The following ZFHX3 variants were observed in gnomAD, a reference collection of about 807,000 sequenced individuals.
The protein encoded by ZFHX3 is zinc finger homeobox 3, also known as zinc finger homeobox protein 3.
A neutral mutation model predicts 279.1 loss-of-function variants in ZFHX3; 42 were observed. The ratio of observed to expected loss-of-function variants is 0.15; its 90% CI spans 0.12 to 0.19. ZFHX3 has a LOEUF of 0.19. Ranked by LOEUF, ZFHX3 falls within the 10% of genes least tolerant of loss-of-function variation. The probability of loss-of-function intolerance (pLI) is 1.00; values close to 1 mark genes in which losing one functional copy is unlikely to be tolerated. For missense variants in ZFHX3, 4,981 were observed against 4,754.0 expected, an observed-to-expected ratio of 1.05 and a Z score of -1.40; for synonymous variants, 2,293 against 1,957.8, an observed-to-expected ratio of 1.17 and a Z score of -4.52.
intron 1 of ZFHX3, among the ~76,000 whole-genome samples, chr16:73,777,712 A>G (rs1357197177): frequency 6.6e-6 from 1 of 152,102 alleles, no homozygotes. Context: ...CTAAGCACTT[A>G]ACATCCAGTA....
At chr16:73,287,819 AGTGTATGGCTGTGTGGG>A (rs2014666352) in intron 4 of ZFHX3, among the ~76,000 whole-genome samples, 1 of 39,704 alleles carries the variant, frequency 2.5e-5, no homozygotes, top group Non-Finnish European at 4.8e-5. Context: ...TGTGTGGGTC[AGTGTATGGCTGTGTGGG>A]TTGGTGAGTG....
intron 1 of ZFHX3, among the ~76,000 whole-genome samples, chr16:73,698,919 T>A (rs1451192811): frequency 1.3e-5 from 2 of 152,136 alleles, no homozygotes; most frequent in African/African-American, 4.8e-5. Context: ...GGGGTCTTCC[T>A]CTGTAGCCAG....
At chr16:73,756,001 G>C (rs1399807179) in intron 1 of ZFHX3, among the ~76,000 whole-genome samples, 1 of 152,152 alleles carries the variant, frequency 6.6e-6, no homozygotes, top group Admixed American at 6.5e-5. Flanking sequence ...CCACCGCTTA[G>C]AGAGGCTCAC....
intron 1 of ZFHX3, among the ~76,000 whole-genome samples, chr16:72,970,360 A>T (rs1442734298): frequency 6.6e-6 from 1 of 152,186 alleles, no homozygotes; most frequent in Admixed American, 6.5e-5. Context: ...GGGGCAATTT[A>T]AACAGCTATA....
chr16:73,771,115 T>C (rs1366405517), intron 1 of ZFHX3, among the ~76,000 whole-genome samples: 1 of 152,180 alleles, frequency 6.6e-6, no homozygotes, highest in Non-Finnish European at 1.5e-5. Flanking sequence ...TGCTAGAGAC[T>C]GGGGTGATGA....
At position 72,797,141 on chromosome 16, in the gene ZFHX3, C is replaced by T; in HGVS notation, c.5541G>A (p.Gln1847=). 1.2e-6 allele frequency: 2 copies of T among 1,613,914 alleles called. No homozygotes were observed. The highest frequency in any genetic ancestry group is 2.7e-5 in the African/African-American group (2 of 75,030). ...AQVQVPQQSH[Q]QILPQQQQNQ... ...TCTGCTGCTGCTGCGGCAAGATCTG[C>T]TGATGGCTCTGCTGTGGGACCTGAA... Residue 1847 remains glutamine (Q), a synonymous_variant, in exon 9 of 10, where the codon CAG becomes CAA. Coordinates refer to ENST00000268489, the MANE Select transcript of ZFHX3 (RefSeq NM_006885.4).
At chr16:72,964,657 C>A (rs1961744652) in intron 1 of ZFHX3, among the ~76,000 whole-genome samples, 1 of 126,234 alleles carries the variant, frequency 7.9e-6, no homozygotes, top group Admixed American at 9.1e-5. Context: ...CAAAATGAGA[C>A]TTGGTCTATT....
intron 1 of ZFHX3, among the ~76,000 whole-genome samples, chr16:73,788,763 A>T (rs780748898): frequency 5.4e-5 from 8 of 149,146 alleles, no homozygotes; most frequent in Non-Finnish European, 1.0e-4. Context: ...TCATGAGGTC[A>T]GGAAATAGAG....
chr16:73,423,681 G>A (rs993483632), intron 3 of ZFHX3, among the ~76,000 whole-genome samples: 7 of 152,114 alleles, frequency 4.6e-5, no homozygotes, highest in African/African-American at 1.7e-4. Context: ...GGCCAGCATG[G>A]CACAATCCTG....
intron 3 of ZFHX3, among the ~76,000 whole-genome samples, chr16:73,406,873 G>A (rs115364598): frequency 0.013 from 1,913 of 152,274 alleles, 46 homozygotes; most frequent in African/African-American, 0.044. Flanking sequence ...AGCTTTGGCT[G>A]GGGCTGGTTT....
Position 73,046,976 on chromosome 16 carries a change from T to C in ZFHX3, c.-50+776A>G, listed in dbSNP as rs150641528. Among the ~76,000 whole-genome samples, 310 of 152,290 alleles carry C rather than the reference T, an allele frequency of 2.0e-3. 5 individuals are homozygous for C. In the East Asian group the frequency reaches 0.04, roughly 20 times the overall value. ...GCCAGTTTAACACAGGAGGTACCAC[T>C]GTGCCACGCAATTCCCTCTTAGCAC... On this transcript the variant is annotated intron_variant, in intron 1 of 9. Transcript: ENST00000268489.
At chr16:73,534,035 A>G (rs2019851904) in intron 2 of ZFHX3, among the ~76,000 whole-genome samples, 1 of 151,930 alleles carries the variant, frequency 6.6e-6, no homozygotes, top group African/African-American at 2.4e-5. Context: ...AGATCATGTT[A>G]CTCCTCTGCT....
chr16:73,798,420 G>A (rs1013088090), intron 1 of ZFHX3, among the ~76,000 whole-genome samples: 6 of 151,586 alleles, frequency 4.0e-5, no homozygotes, highest in Admixed American at 2.6e-4. Context: ...CAAAATTTAA[G>A]GAGAAGGTGC....
intron 5 of ZFHX3, among the ~76,000 whole-genome samples, chr16:73,180,844 G>T (rs1436653341): frequency 6.6e-6 from 1 of 151,936 alleles, no homozygotes; most frequent in Non-Finnish European, 1.5e-5. Context: ...TGCATTTCTA[G>T]TTGAGACAGG....
At chr16:73,177,527 T>A (rs1967691775) in intron 5 of ZFHX3, among the ~76,000 whole-genome samples, 1 of 152,242 alleles carries the variant, frequency 6.6e-6, no homozygotes, top group South Asian at 2.1e-4. Flanking sequence ...TAGGTATCCC[T>A]ACTTTAAAGA....
At chr16:73,068,349 G>GAAATAA (rs1005368565) in intron 8 of ZFHX3, among the ~76,000 whole-genome samples, 1 of 152,160 alleles carries the variant, frequency 6.6e-6, no homozygotes, top group African/African-American at 2.4e-5. Flanking sequence ...TGAGGCGCAG[G>GAAATAA]AAATAAAAAT....
At chr16:72,868,386 G>C (rs750632158) in intron 4 of ZFHX3, among the ~76,000 whole-genome samples, 10 of 152,142 alleles carry the variant, frequency 6.6e-5, no homozygotes, top group Non-Finnish European at 8.8e-5. Context: ...ATTTCTCCCA[G>C]GTGGAACCAC....
At chr16:73,570,470 C>T (rs2051723020) in intron 2 of ZFHX3, among the ~76,000 whole-genome samples, 1 of 152,156 alleles carries the variant, frequency 6.6e-6, no homozygotes, top group South Asian at 2.1e-4. Context: ...CTTTATATCA[C>T]ACTTGTAAAA....
rs1245417158 is a variant in ZFHX3, at chr16:72,788,616, GGGTGGCGGCTGGGCTGCT to G, written c.9642_9659del (p.Ala3215_Pro3220del). On this transcript the variant is annotated inframe_deletion, in exon 10 of 10. Transcript: ENST00000268489. Reference sequence around the variant, plus strand: ...GCTGTTGCAGTGGGAGCTGTGGTGTGGGTGGCGGCTGGGCTGCTGGCGGCGGGGGAGGCTGCTGCACCT... The same window carrying G: ...GCTGTTGCAGTGGGAGCTGTGGTGTGGGCGGCGGGGGAGGCTGCTGCACCT... 3.7e-6 allele frequency: 6 copies of G among 1,613,494 alleles called. No individual in the cohort carries two copies. The highest frequency in any genetic ancestry group is 1.7e-5 in the Admixed American group (1 of 60,008).
Sources: gnomAD v4.1 joint callset for allele counts (sites outside exome capture counted in the v4.1 genomes callset) on GRCh38, gnomAD v4.1.1 for gene constraint, MANE v1.5 for transcripts, NCBI Gene and HGNC (gene_info 2026-07-23, HGNC 2026-07-21) for gene names.